C8orf34: variants seen among roughly 807,000 people sequenced by gnomAD.
The protein encoded by C8orf34 is chromosome 8 open reading frame 34, also known as uncharacterized protein C8orf34.
Under a neutral mutation model 68.3 loss-of-function variants are expected in C8orf34, and 65 were observed. The ratio of observed to expected loss-of-function variants is 0.95; its 90% CI spans 0.78 to 1.17. C8orf34 has a LOEUF of 1.17. C8orf34 is among the 50% of genes most tolerant of loss of function. C8orf34 has a pLI of 0.00. For synonymous variants in C8orf34, 244 were observed against 241.2 expected, an observed-to-expected ratio of 1.01 and a Z score of -0.11; for missense variants, 664 against 655.4, an observed-to-expected ratio of 1.01 and a Z score of -0.14.
chr8:68,799,058 T>C (rs1265019392), intron 12 of C8orf34, among the ~76,000 whole-genome samples: 3 of 152,174 alleles, frequency 2.0e-5, no homozygotes, highest in Non-Finnish European at 2.9e-5. Flanking sequence ...AATGAGATGA[T>C]AGAACTATTC....
At chr8:68,758,336 T>C (rs1273267172) in intron 10 of C8orf34, among the ~76,000 whole-genome samples, 5 of 152,234 alleles carry the variant, frequency 3.3e-5, no homozygotes, top group Non-Finnish European at 7.3e-5. Context: ...TGTGGGTCAG[T>C]AGATTTTGGT....
chr8:68,662,765 T>G (rs924545780), intron 8 of C8orf34, among the ~76,000 whole-genome samples: 18 of 152,254 alleles, frequency 1.2e-4, no homozygotes, highest in Non-Finnish European at 2.4e-4. Context: ...AGGAATCCCC[T>G]TTTTTTCACT....
intron 7 of C8orf34, among the ~76,000 whole-genome samples, chr8:68,605,961 TG>T (rs1563557364): frequency 2.6e-5 from 4 of 152,008 alleles, no homozygotes; most frequent in African/African-American, 9.7e-5. Context: ...GTGGTGTGTG[TG>T]GGGGGCAGGA....
chr8:68,359,089 G>A (rs145317383), intron 1 of C8orf34, among the ~76,000 whole-genome samples: 59 of 152,142 alleles, frequency 3.9e-4, no homozygotes, highest in East Asian at 1.2e-3. Flanking sequence ...AGGAGTAAAC[G>A]TTTCCCCAGA....
chr8:68,529,118 C>A (rs1162162056), intron 6 of C8orf34, among the ~76,000 whole-genome samples: 1 of 152,152 alleles, frequency 6.6e-6, no homozygotes, highest in Non-Finnish European at 1.5e-5. Flanking sequence ...CCTCCCTGGC[C>A]CCAGCAATTA....
chr8:68,688,126 A>G (rs1820576127), intron 8 of C8orf34, among the ~76,000 whole-genome samples: 1 of 152,072 alleles, frequency 6.6e-6, no homozygotes, highest in African/African-American at 2.4e-5. Context: ...GTCAAAAAAC[A>G]ATAGATGTTG....
At chr8:68,534,778 A>G (rs549847582) in intron 7 of C8orf34, 5 of 985,330 alleles carry the variant, frequency 5.1e-6, no homozygotes, top group Non-Finnish European at 4.8e-6. Flanking sequence ...CTTTCAGGAG[A>G]TGCAGTTGTC....
intron 4 of C8orf34, among the ~76,000 whole-genome samples, chr8:68,473,674 T>C (rs1265949401): frequency 2.0e-5 from 3 of 152,128 alleles, no homozygotes; most frequent in Admixed American, 6.5e-5. Flanking sequence ...CCTCACTACC[T>C]GCCTAAATAA....
chr8:68,620,053 G>T (rs553121399), intron 7 of C8orf34, among the ~76,000 whole-genome samples: 18 of 152,236 alleles, frequency 1.2e-4, no homozygotes, highest in Admixed American at 5.2e-4. Flanking sequence ...TGGAAAATAT[G>T]GGAGCTCTTG....
chr8:68,552,493 G>A (rs903288904), intron 7 of C8orf34, among the ~76,000 whole-genome samples: 4 of 151,924 alleles, frequency 2.6e-5, no homozygotes, highest in African/African-American at 9.7e-5. Flanking sequence ...ATTCTTCATT[G>A]ACAGTGTGTA....
At chr8:68,752,023 CAT>C (rs898551951) in intron 10 of C8orf34, among the ~76,000 whole-genome samples, 2 of 152,144 alleles carry the variant, frequency 1.3e-5, no homozygotes, top group Non-Finnish European at 2.9e-5. Flanking sequence ...GTTTCAGCCT[CAT>C]AGGCTCAGAG....
chr8:68,614,062 GT>G (rs1200650732), intron 7 of C8orf34, among the ~76,000 whole-genome samples: 3 of 152,168 alleles, frequency 2.0e-5, no homozygotes, highest in African/African-American at 7.2e-5. Flanking sequence ...ATTTTTTCAT[GT>G]GTTTTTTGGC....
intron 10 of C8orf34, among the ~76,000 whole-genome samples, chr8:68,773,780 G>A (rs962392641): frequency 1.3e-5 from 2 of 152,088 alleles, no homozygotes; most frequent in Non-Finnish European, 2.9e-5. Context: ...CCGTTGTATG[G>A]CCCTTGAAAC....
At chr8:68,350,951 C>T (rs372798128) in intron 1 of C8orf34, among the ~76,000 whole-genome samples, 45 of 151,796 alleles carry the variant, frequency 3.0e-4, no homozygotes, top group African/African-American at 1.0e-3. Context: ...ACATATAGTC[C>T]GTTTACATTC....
intron 7 of C8orf34, chr8:68,534,452 C>A: frequency 1.4e-6 from 1 of 696,748 alleles, no homozygotes; most frequent in Non-Finnish European, 1.8e-6. Flanking sequence ...AGGAATTTTA[C>A]ATTGTAATGT....
chr8:68,386,801 T>A (rs2129620436), intron 1 of C8orf34, among the ~76,000 whole-genome samples: 1 of 152,200 alleles, frequency 6.6e-6, no homozygotes, highest in South Asian at 2.1e-4. Context: ...CATTCTTTGC[T>A]GTGGGAGCTG....
chr8:68,581,949 C>A (rs1046454099), intron 7 of C8orf34, among the ~76,000 whole-genome samples: 6 of 152,100 alleles, frequency 3.9e-5, no homozygotes, highest in African/African-American at 1.4e-4. Flanking sequence ...CACACACACA[C>A]AAAAGGATAG....
At chr8:68,528,297 T>C (rs1009084968) in intron 6 of C8orf34, among the ~76,000 whole-genome samples, 2 of 152,170 alleles carry the variant, frequency 1.3e-5, no homozygotes, top group Non-Finnish European at 2.9e-5. Flanking sequence ...TGCAAATCCA[T>C]GATGTCAATT....
At chr8:68,778,427 C>CT (rs1379679639) in intron 11 of C8orf34, among the ~76,000 whole-genome samples, 1 of 152,026 alleles carries the variant, frequency 6.6e-6, no homozygotes, top group Non-Finnish European at 1.5e-5. Context: ...ATCAAATGCT[C>CT]TTTTTTTCAT....
Sources: allele counts gnomAD v4.1 joint callset (sites outside exome capture counted in the v4.1 genomes callset), GRCh38; gene constraint gnomAD v4.1.1; transcripts MANE v1.5; gene names NCBI Gene and HGNC (gene_info 2026-07-23, HGNC 2026-07-21).